The following DCC variants were observed in gnomAD, a reference collection of about 807,000 sequenced individuals.
DCC encodes the protein DCC netrin 1 receptor, also known as netrin receptor DCC.
DCC carries 58 observed loss-of-function variants against 172.5 expected under a neutral mutation model. The observed-to-expected ratio is 0.34, with a 90% CI of 0.27 to 0.42. DCC has a LOEUF of 0.42. DCC is among the 10% of genes least tolerant of loss of function. DCC has a pLI of 1.00. For synonymous variants in DCC, 709 were observed against 644.5 expected (o/e 1.10, Z -1.52); for missense variants, 1,740 against 1,791.0 (o/e 0.97, Z 0.51).
chr18:52,758,930 A>T (rs1472327525), intron 2 of DCC: 1 of 152,174 alleles, frequency 6.6e-6, no homozygotes, highest in East Asian at 1.9e-4. Context: ...TTACATTTAT[A>T]GAGATATTGT....
At position 53,397,335 on chromosome 18, in the gene DCC, A is replaced by G; in HGVS notation, c.2716A>G (p.Thr906Ala). 1.9e-6 allele frequency: 3 copies of G among 1,613,852 alleles called. No individual in the cohort carries two copies. The highest frequency in any genetic ancestry group is 1.6e-4 in the Middle Eastern group (1 of 6,062). Reference sequence around the variant, plus strand: ...AGAAGACACAACATCTCTAAGTTACACAGCAACAGGCCTCAAACCAAACAC... The same window carrying G: ...AGAAGACACAACATCTCTAAGTTACGCAGCAACAGGCCTCAAACCAAACAC... Reference protein sequence around the residue: ...KSEDTTSLSYTATGLKPNTMY... With the variant: ...KSEDTTSLSYAATGLKPNTMY... Residue 906 changes from threonine to alanine, a missense_variant, in exon 18 of 29, where the codon ACA becomes GCA. Around this residue, in one of 2 missense-constraint regions of DCC, gnomAD observed 1,732 missense variants for 1,767.4 expected, o/e 0.98. Coordinates refer to ENST00000442544, the MANE Select transcript of DCC (RefSeq NM_005215.4).
intron 1 of DCC, among the ~76,000 whole-genome samples, chr18:52,621,800 G>T (rs763082447): frequency 3.9e-5 from 6 of 152,098 alleles, no homozygotes; most frequent in Non-Finnish European, 8.8e-5. Context: ...TGATACTTAT[G>T]ATACCCGAGG....
chr18:53,286,065 G>A (rs1487023128), intron 12 of DCC, among the ~76,000 whole-genome samples: 3 of 152,166 alleles, frequency 2.0e-5, no homozygotes. Context: ...GAAGGGACTT[G>A]CCTTGTCTCA....
chr18:52,495,886 C>T (rs1440304487), intron 1 of DCC, among the ~76,000 whole-genome samples: 1 of 151,738 alleles, frequency 6.6e-6, no homozygotes, highest in African/African-American at 2.4e-5. Context: ...CCGATGCAAT[C>T]TTGGCCAAAG....
At chr18:52,771,719 G>A (rs1478086526) in intron 2 of DCC, among the ~76,000 whole-genome samples, 1 of 151,948 alleles carries the variant, frequency 6.6e-6, no homozygotes, top group Non-Finnish European at 1.5e-5. Context: ...CTTGATCTTA[G>A]CCAAAAGGCC....
At chr18:52,991,701 A>C (rs1232938835) in intron 5 of DCC, among the ~76,000 whole-genome samples, 1 of 152,158 alleles carries the variant, frequency 6.6e-6, no homozygotes, top group African/African-American at 2.4e-5. Context: ...TCATATCTAA[A>C]GTGCACTAGT....
At chr18:53,130,582 G>T (rs1053320584) in intron 7 of DCC, among the ~76,000 whole-genome samples, 1 of 152,124 alleles carries the variant, frequency 6.6e-6, no homozygotes. Context: ...GTTGACGTAT[G>T]TGGTGGAGAT....
intron 5 of DCC, among the ~76,000 whole-genome samples, chr18:52,973,543 T>C (rs1427608814): frequency 6.6e-6 from 1 of 152,154 alleles, no homozygotes; most frequent in East Asian, 1.9e-4. Context: ...GAGCTCCAAC[T>C]CTCTGCCTCC....
intron 20 of DCC, among the ~76,000 whole-genome samples, chr18:53,413,122 C>T (rs972103708): frequency 9.9e-5 from 15 of 152,096 alleles, no homozygotes; most frequent in East Asian, 1.9e-4. Context: ...GCTGGCCTAT[C>T]GGGTAATAGA....
At chr18:53,365,685 A>G (rs909279847) in intron 15 of DCC, among the ~76,000 whole-genome samples, 2 of 152,114 alleles carry the variant, frequency 1.3e-5, no homozygotes, top group Admixed American at 6.5e-5. Context: ...TTCTAGTCAT[A>G]AGCAAAAATG....
At chr18:52,752,436 G>C in intron 2 of DCC, 62 bp downstream of exon 2, 1 of 1,304,014 alleles carries the variant, frequency 7.7e-7, no homozygotes, top group South Asian at 1.2e-5. Flanking sequence ...TTCATTTTTG[G>C]GGATGAGAAA....
chr18:53,201,057 A>G (rs1356942578), intron 9 of DCC, among the ~76,000 whole-genome samples: 1 of 152,044 alleles, frequency 6.6e-6, no homozygotes, highest in Non-Finnish European at 1.5e-5. Context: ...GAATTGTGTC[A>G]CATCACCCCA....
chr18:53,289,602 T>C (rs927991178), intron 12 of DCC, among the ~76,000 whole-genome samples: 1 of 149,180 alleles, frequency 6.7e-6, no homozygotes, highest in Non-Finnish European at 1.5e-5. Flanking sequence ...GGGATGTTTA[T>C]TGAACAAATT....
Position 52,879,867 on chromosome 18 carries a change from T to C in DCC, c.413-26177T>C, listed in dbSNP as rs190068445. 5.3e-5 allele frequency among the ~76,000 whole-genome samples: 8 copies of C among 152,254 alleles called. No individual in the cohort carries two copies. In the East Asian group the frequency reaches 1.5e-3, roughly 29 times the overall value. Reference sequence around the variant, plus strand: ...AATTAAATTTCATATATGCTTCACATGTCAGGAAATATTTTTCATTTTAAA... The same window carrying C: ...AATTAAATTTCATATATGCTTCACACGTCAGGAAATATTTTTCATTTTAAA... On this transcript the variant is annotated intron_variant, in intron 2 of 28. Coordinates refer to ENST00000442544, the MANE Select transcript of DCC (RefSeq NM_005215.4).
In DCC at chr18:53,428,345, TATA is replaced by T. The variant is rs1248434585; in HGVS notation, c.3164-6795_3164-6793del. ...ATATAATATAATATATTGTATATAA[TATA>T]ATATATGTTGTATATAATATAATAT... On this transcript the variant is annotated intron_variant, in intron 21 of 28. Coordinates refer to ENST00000442544, the MANE Select transcript of DCC (RefSeq NM_005215.4). 2.6e-4 allele frequency among the ~76,000 whole-genome samples: 17 copies of T among 65,068 alleles called. 2 individuals carry two copies. Among genetic ancestry groups the T allele is most frequent in the African/African-American group, 5.5e-4 (11 of 19,846 alleles). 42.7% of individuals were successfully genotyped at this position (65,068 alleles called of 152,430 possible).
At chr18:52,462,710 C>T (rs924018137) in intron 1 of DCC, among the ~76,000 whole-genome samples, 1 of 151,958 alleles carries the variant, frequency 6.6e-6, no homozygotes, top group African/African-American at 2.4e-5. Context: ...TATTATTACC[C>T]CTTGCCTACT....
chr18:53,512,130 GCCT>G (rs1421476870), intron 27 of DCC, among the ~76,000 whole-genome samples: 1 of 152,106 alleles, frequency 6.6e-6, no homozygotes, highest in African/African-American at 2.4e-5. Flanking sequence ...CGTGCAGACT[GCCT>G]CCTCAAGTGG....
At chr18:53,413,060 A>G (rs1910084752) in intron 20 of DCC, among the ~76,000 whole-genome samples, 1 of 152,158 alleles carries the variant, frequency 6.6e-6, no homozygotes, top group Non-Finnish European at 1.5e-5. Context: ...ACTTATGTCT[A>G]TCTCTGCCCT....
intron 1 of DCC, among the ~76,000 whole-genome samples, chr18:52,487,259 C>T (rs555726959): frequency 2.6e-5 from 4 of 152,096 alleles, no homozygotes; most frequent in African/African-American, 9.6e-5. Context: ...TAAAGGGCAC[C>T]TCATTATCGT....
Sources: allele counts gnomAD v4.1 joint callset (sites outside exome capture counted in the v4.1 genomes callset), GRCh38; gene constraint gnomAD v4.1.1; regional missense constraint gnomAD v4.1.1; transcripts MANE v1.5; gene names NCBI Gene and HGNC (gene_info 2026-07-23, HGNC 2026-07-21).